Variants in RMST observed in about 807,000 individuals in gnomAD.
RMST encodes the protein long intergenic non-protein coding RNA 54.
At chr12:97,509,836 A>AT (rs369749766) in intron 10 of RMST, among the ~76,000 whole-genome samples, 144 of 152,248 alleles carry the variant, frequency 9.5e-4, no homozygotes, top group African/African-American at 3.3e-3. Context: ...TGTGATAGGC[A>AT]TTTTTTTGGG....
chr12:97,554,817 G>T lies in RMST; in HGVS notation n.1546-5720G>T, dbSNP rs547222266. ...ATACAATTTAAAATTATTAAATATT[G>T]TGAGGAATGGAATTGATCAGAATGA... On this transcript the variant is annotated intron_variant and non_coding_transcript_variant, in intron 11 of 13. Transcript: ENST00000640149. Among the ~76,000 whole-genome samples, 4 of 152,260 alleles carry T rather than the reference G, an allele frequency of 2.6e-5. No homozygotes were observed. In the East Asian group the frequency reaches 5.8e-4, roughly 22 times the overall value.
intron 11 of RMST, among the ~76,000 whole-genome samples, chr12:97,556,821 T>G (rs1883738419): frequency 6.6e-6 from 1 of 152,194 alleles, no homozygotes; most frequent in Admixed American, 6.5e-5. Context: ...AGTTTGATCG[T>G]CATAAGATAC....
At chr12:97,515,089 A>G (rs1747688898) in intron 10 of RMST, among the ~76,000 whole-genome samples, 1 of 152,182 alleles carries the variant, frequency 6.6e-6, no homozygotes, top group South Asian at 2.1e-4. Flanking sequence ...AAGTTAGGAA[A>G]AGAGTAAATC....
chr12:97,510,490 G>A lies in RMST; in HGVS notation n.1340+14434G>A, dbSNP rs371345638. Among the ~76,000 whole-genome samples the A allele has an allele frequency of 7.2e-5, 11 of 152,258 alleles. No individual in the cohort carries two copies. In the East Asian group the frequency reaches 2.1e-3, roughly 29 times the overall value. ...ACCATTACGTGCTCTTATTTAATAC[G>A]AAAGTAAATTTTCATGATAGTTTAA... On this transcript the variant is annotated intron_variant and non_coding_transcript_variant, in intron 10 of 13. Coordinates refer to ENST00000640149, the Ensembl canonical transcript of RMST.
At chr12:97,543,357 T>C (rs1019580437) in intron 11 of RMST, among the ~76,000 whole-genome samples, 13 of 151,998 alleles carry the variant, frequency 8.6e-5, no homozygotes, top group African/African-American at 3.1e-4. Flanking sequence ...TTCTCATCAC[T>C]GCAAGACTTT....
rs919500175 is a variant in RMST at position 97,506,973 on chromosome 12, C to T, written n.1340+10917C>T. Among the ~76,000 whole-genome samples the T allele has an allele frequency of 1.8e-4, 27 of 152,162 alleles. 1 individual carries two copies. The highest frequency in any genetic ancestry group is 2.1e-4 in the South Asian group (1 of 4,818). On this transcript the variant is annotated intron_variant and non_coding_transcript_variant, in intron 10 of 13. Coordinates refer to ENST00000640149, the Ensembl canonical transcript of RMST. ...CTGGGATTATAGGCATGAGCCACTG[C>T]GCCCGGCCAGAGGAATCATTCTAAG...
intron 10 of RMST, among the ~76,000 whole-genome samples, chr12:97,522,160 G>A (rs1437684569): frequency 6.6e-6 from 1 of 152,140 alleles, no homozygotes; most frequent in East Asian, 1.9e-4. Flanking sequence ...GTTAAAACAT[G>A]TCTATTTGCT....
At chr12:97,500,452 A>T (rs952084018) in intron 10 of RMST, among the ~76,000 whole-genome samples, 1 of 152,212 alleles carries the variant, frequency 6.6e-6, no homozygotes, top group Non-Finnish European at 1.5e-5. Context: ...CCTACTGTGC[A>T]TAAGACACTT....
intron 10 of RMST, among the ~76,000 whole-genome samples, chr12:97,529,231 T>C (rs1323979431): frequency 6.6e-6 from 1 of 152,140 alleles, no homozygotes; most frequent in African/African-American, 2.4e-5. Flanking sequence ...TCCTCATTTT[T>C]ATATCTTAGG....
intron 11 of RMST, among the ~76,000 whole-genome samples, chr12:97,550,658 TCTCTATTTTCTCGA>T (rs1218885579): frequency 6.6e-6 from 1 of 152,100 alleles, no homozygotes; most frequent in Non-Finnish European, 1.5e-5. Flanking sequence ...TTCTGTAGGA[TCTCTATTTTCTCGA>T]CTTTATTATT....
intron 11 of RMST, among the ~76,000 whole-genome samples, chr12:97,540,114 G>T (rs565082768): frequency 3.3e-4 from 50 of 151,824 alleles, no homozygotes; most frequent in African/African-American, 1.1e-3. Flanking sequence ...AGGATAGATT[G>T]TAGGCGCATT....
chr12:97,509,008 T>C (rs944679101), intron 10 of RMST, among the ~76,000 whole-genome samples: 5 of 152,184 alleles, frequency 3.3e-5, no homozygotes, highest in African/African-American at 4.8e-5. Context: ...ACAGCATAAA[T>C]GGAGGAAACC....
At chr12:97,476,644 G>A (rs996671643) in intron 5 of RMST, among the ~76,000 whole-genome samples, 1 of 152,126 alleles carries the variant, frequency 6.6e-6, no homozygotes, top group Non-Finnish European at 1.5e-5. Flanking sequence ...GTTCATTCAT[G>A]TCCTCATGGA....
intron 10 of RMST, among the ~76,000 whole-genome samples, chr12:97,506,071 G>A (rs1878631114): frequency 6.6e-6 from 1 of 152,094 alleles, no homozygotes; most frequent in African/African-American, 2.4e-5. Flanking sequence ...ACTATTGTAA[G>A]TACATGTAAT....
At chr12:97,472,437 T>C (rs1028587659) in intron 5 of RMST, among the ~76,000 whole-genome samples, 4 of 152,070 alleles carry the variant, frequency 2.6e-5, no homozygotes, top group Admixed American at 1.3e-4. Flanking sequence ...TCCATTTTAT[T>C]TTAAGCCTGA....
At chr12:97,518,043 T>C (rs942950584) in intron 10 of RMST, among the ~76,000 whole-genome samples, 2 of 152,174 alleles carry the variant, frequency 1.3e-5, no homozygotes, top group Admixed American at 6.5e-5. Flanking sequence ...TTCTAATAAT[T>C]ATCCAAACTT....
At chr12:97,469,377 G>T (rs1338140584) in intron 5 of RMST, among the ~76,000 whole-genome samples, 1 of 151,966 alleles carries the variant, frequency 6.6e-6, no homozygotes. Flanking sequence ...CTCTGCAGCA[G>T]ACACTAAATT....
chr12:97,494,820 C>T (rs983539401), exon 9 of RMST: 1 of 152,122 alleles, frequency 6.6e-6, no homozygotes, highest in African/African-American at 2.4e-5. Flanking sequence ...TAGAAGGATG[C>T]TTCTGCATTA....
intron 11 of RMST, among the ~76,000 whole-genome samples, chr12:97,544,798 A>G (rs1259813621): frequency 2.6e-5 from 4 of 151,976 alleles, no homozygotes; most frequent in Non-Finnish European, 5.9e-5. Context: ...AAAAAGTCAC[A>G]TGACTTTTTG....
Sources: allele counts gnomAD v4.1 joint callset (sites outside exome capture counted in the v4.1 genomes callset), GRCh38; gene constraint gnomAD v4.1.1; transcripts MANE v1.5; gene names NCBI Gene and HGNC (gene_info 2026-07-23, HGNC 2026-07-21).